CACNG5: variants seen among roughly 807,000 people sequenced by gnomAD.
The protein encoded by CACNG5 is calcium voltage-gated channel auxiliary subunit gamma 5, also known as voltage-dependent calcium channel gamma-5 subunit.
Under a neutral mutation model 24.8 loss-of-function variants are expected in CACNG5, and 18 were observed. The observed-to-expected ratio is 0.73, with a 90% confidence interval of 0.50 to 1.08. The LOEUF (loss-of-function observed/expected upper bound fraction) is 1.08. Ranked by LOEUF, CACNG5 falls within the 50% of genes least tolerant of loss-of-function variation. CACNG5 has a pLI of 0.00. For synonymous variants in CACNG5, 157 were observed against 149.1 expected (o/e 1.05, Z -0.39); for missense variants, 349 against 367.9 (o/e 0.95, Z 0.42).
At chr17:66,880,470 G>A in intron 3 of CACNG5, 87 bp from the exon 4 acceptor site, 1 of 1,546,358 alleles carries the variant, frequency 6.5e-7, no homozygotes, top group Non-Finnish European at 8.9e-7. Context: ...CCAGTTGGTA[G>A]ACACTGCCAG....
chr17:66,875,261 C>T (rs1420721634), intron 1 of CACNG5, among the ~76,000 whole-genome samples: 2 of 152,174 alleles, frequency 1.3e-5, no homozygotes, highest in Admixed American at 1.3e-4. Context: ...TCTGCCCACG[C>T]TGTTGCATGG....
rs1977281235 is a variant in CACNG5, at chr17:66,887,604, C to A, written c.*2364C>A. 6.6e-6 allele frequency among the ~76,000 whole-genome samples: 1 copy of A among 152,110 alleles called. No homozygotes were observed. The highest frequency in any genetic ancestry group is 1.5e-5 in the Non-Finnish European group (1 of 68,018). The stretch of plus-strand genomic sequence containing the variant: ...TTCCAATTTTTATCAATGTAATTAG[C>A]TCCTAATTGCACTTTTCTCTCTCTA... On this transcript the variant is annotated 3_prime_UTR_variant, in exon 6 of 6. Coordinates refer to ENST00000533854, the MANE Select transcript of CACNG5 (RefSeq NM_145811.3).
intron 1 of CACNG5, among the ~76,000 whole-genome samples, chr17:66,836,395 C>T (rs1976482717): frequency 6.6e-6 from 1 of 152,204 alleles, no homozygotes; most frequent in Non-Finnish European, 1.5e-5. Context: ...AACCTGAAGT[C>T]TTGATCAATT....
At chr17:66,876,995 A>ATGAATGAG (rs1977086429) in intron 1 of CACNG5, among the ~76,000 whole-genome samples, 1 of 152,022 alleles carries the variant, frequency 6.6e-6, no homozygotes, top group Admixed American at 6.6e-5. Flanking sequence ...GAATGAATGA[A>ATGAATGAG]TGAATGAATG....
chr17:66,865,693 G>A (rs535415148), intron 1 of CACNG5, among the ~76,000 whole-genome samples: 4 of 149,736 alleles, frequency 2.7e-5, no homozygotes, highest in Admixed American at 1.3e-4. Flanking sequence ...GTAGTGGCGC[G>A]ATCTCAGCTC....
intron 1 of CACNG5, among the ~76,000 whole-genome samples, chr17:66,872,289 G>T (rs549765730): frequency 6.6e-6 from 1 of 152,210 alleles, no homozygotes; most frequent in Non-Finnish European, 1.5e-5. Flanking sequence ...ATAAAAAATG[G>T]CTCCTCTCCT....
chr17:66,843,948 G>A (rs919878177), intron 1 of CACNG5, among the ~76,000 whole-genome samples: 1 of 142,966 alleles, frequency 7.0e-6, no homozygotes, highest in Admixed American at 6.9e-5. Context: ...GAAGAAAGAG[G>A]CCCTTGACTC....
chr17:66,844,345 G>A (rs1413552314), intron 1 of CACNG5, among the ~76,000 whole-genome samples: 1 of 152,176 alleles, frequency 6.6e-6, no homozygotes, highest in Non-Finnish European at 1.5e-5. Flanking sequence ...GGGATTTGGA[G>A]CTCAACTGTT....
At chr17:66,838,686 C>T (rs560006446) in intron 1 of CACNG5, among the ~76,000 whole-genome samples, 35 of 152,238 alleles carry the variant, frequency 2.3e-4, no homozygotes, top group African/African-American at 8.2e-4. Context: ...GGATGATTCT[C>T]GACCACATCT....
At chr17:66,874,648 T>C (rs1409358415) in intron 1 of CACNG5, among the ~76,000 whole-genome samples, 2 of 152,212 alleles carry the variant, frequency 1.3e-5, no homozygotes, top group Non-Finnish European at 2.9e-5. Flanking sequence ...AGACACCTTC[T>C]GCTAGGCACA....
At chr17:66,881,626 A>C (rs967885996) in intron 4 of CACNG5, among the ~76,000 whole-genome samples, 1 of 152,154 alleles carries the variant, frequency 6.6e-6, no homozygotes, top group African/African-American at 2.4e-5. Flanking sequence ...GTGCAATGGG[A>C]GATAGAAACA....
rs753699725 is a variant in CACNG5, at chr17:66,886,971, C to T, written c.*1731C>T. 7.9e-5 allele frequency among the ~76,000 whole-genome samples: 12 copies of T among 152,134 alleles called. No homozygotes were observed. Among genetic ancestry groups the T allele is most frequent in the Non-Finnish European group, 1.5e-4 (10 of 68,024 alleles). Reference sequence around the variant, plus strand: ...TGTCCACATTCCCTCTCCTGGTGTCCAAGGACACCAGTCAGATTGGATTCG... The same window carrying T: ...TGTCCACATTCCCTCTCCTGGTGTCTAAGGACACCAGTCAGATTGGATTCG... On this transcript the variant is annotated 3_prime_UTR_variant, in exon 6 of 6. Transcript: ENST00000533854.
intron 1 of CACNG5, among the ~76,000 whole-genome samples, chr17:66,842,265 C>T (rs756239355): frequency 2.6e-4 from 40 of 152,330 alleles, no homozygotes; most frequent in Non-Finnish European, 5.3e-4. Flanking sequence ...TTATATCTGG[C>T]CTGTACCACC....
rs1223801347 is a variant in CACNG5, at chr17:66,884,655, A to G, written c.564A>G (p.Leu188=). 6.2e-7 allele frequency: 1 copy of G among 1,614,118 alleles called. No homozygotes were observed. Among genetic ancestry groups the G allele is most frequent in the Non-Finnish European group, 8.5e-7 (1 of 1,180,034 alleles). The part of the protein sequence containing the change: ...SFAFAAISFL[L]TESAGVMSVY... ...CCTTCGCCGCCATCTCCTTCCTTTTAACGGAGGTAAAGCCCGTCACCCTAA... is the reference window on the plus strand; with the variant it reads ...CCTTCGCCGCCATCTCCTTCCTTTTGACGGAGGTAAAGCCCGTCACCCTAA... The change falls in exon 5 of 6, where the codon TTA becomes TTG. Residue 188 remains leucine (L), a synonymous_variant. Transcript: ENST00000533854.
intron 1 of CACNG5, among the ~76,000 whole-genome samples, chr17:66,859,936 G>C (rs900181661): frequency 6.6e-6 from 1 of 151,920 alleles, no homozygotes; most frequent in Non-Finnish European, 1.5e-5. Flanking sequence ...GAAAATGCTG[G>C]GTTCGTCCAT....
chr17:66,840,108 G>T (rs1006701892), intron 1 of CACNG5, among the ~76,000 whole-genome samples: 11 of 152,150 alleles, frequency 7.2e-5, no homozygotes, highest in Non-Finnish European at 1.6e-4. Flanking sequence ...GGTGATCTCC[G>T]CTTTGCGGGG....
At chr17:66,864,681 A>G (rs1237647398) in intron 1 of CACNG5, among the ~76,000 whole-genome samples, 1 of 152,150 alleles carries the variant, frequency 6.6e-6, no homozygotes, top group African/African-American at 2.4e-5. Flanking sequence ...AAACTGTTTT[A>G]ATTTTTGTAG....
At chr17:66,873,768 G>A (rs1977041457) in intron 1 of CACNG5, among the ~76,000 whole-genome samples, 7 of 152,142 alleles carry the variant, frequency 4.6e-5, no homozygotes, top group Admixed American at 4.6e-4. Context: ...CTGGCAGGCA[G>A]TGTGGTTCCC....
At chr17:66,853,302 T>C (rs1035013123) in intron 1 of CACNG5, among the ~76,000 whole-genome samples, 5 of 152,230 alleles carry the variant, frequency 3.3e-5, no homozygotes, top group Non-Finnish European at 5.9e-5. Flanking sequence ...TGAATCAAGC[T>C]GTACTCGGGT....
Sources: allele counts gnomAD v4.1 joint callset (sites outside exome capture counted in the v4.1 genomes callset), GRCh38; gene constraint gnomAD v4.1.1; transcripts MANE v1.5; gene names NCBI Gene and HGNC (gene_info 2026-07-23, HGNC 2026-07-21).